MAF: variants seen among roughly 807,000 people sequenced by gnomAD.
MAF encodes the protein MAF bZIP transcription factor.
MAF carries 10 observed loss-of-function variants against 22.0 expected under a neutral mutation model. The ratio of observed to expected loss-of-function variants is 0.45; its 90% CI spans 0.28 to 0.77. The LOEUF (loss-of-function observed/expected upper bound fraction) is 0.77, where lower values mean the gene tolerates loss of function less well. Among genes scored for constraint, MAF ranks in the 30% least tolerant of loss-of-function variants. The pLI, the probability that MAF is intolerant of heterozygous loss-of-function variation, is 0.12. For synonymous variants in MAF, 337 were observed against 255.8 expected, an observed-to-expected ratio of 1.32 and a Z score of -3.03; for missense variants, 544 against 548.4, an observed-to-expected ratio of 0.99 and a Z score of 0.08.
the MAF span, among the ~76,000 whole-genome samples, chr16:79,273,131 A>C: frequency 3.9e-5 from 6 of 152,126 alleles, no homozygotes; most frequent in African/African-American, 1.4e-4. Flanking sequence ...CCTAAGATAC[A>C]TTTAGTCAGA....
chr16:79,246,728 TG>T, the MAF span, among the ~76,000 whole-genome samples: 2 of 152,140 alleles, frequency 1.3e-5, no homozygotes, highest in Non-Finnish European at 2.9e-5. Context: ...TAATCTGTGG[TG>T]GGTGGAATTG....
At chr16:79,427,964 C>A in the MAF span, among the ~76,000 whole-genome samples, 10 of 151,862 alleles carry the variant, frequency 6.6e-5, no homozygotes, top group South Asian at 1.9e-3. Context: ...GGAGGGACAC[C>A]CTTGATTGCT....
the MAF span, among the ~76,000 whole-genome samples, chr16:79,279,186 T>A: frequency 6.6e-6 from 1 of 152,140 alleles, no homozygotes; most frequent in Non-Finnish European, 1.5e-5. Flanking sequence ...AATGGTAGAA[T>A]GCTGCTTCTT....
the MAF span, among the ~76,000 whole-genome samples, chr16:79,541,562 A>G: frequency 7.9e-5 from 12 of 152,074 alleles, no homozygotes; most frequent in Non-Finnish European, 1.6e-4. Flanking sequence ...GACAATACGT[A>G]ATATGGCCAA....
the MAF span, among the ~76,000 whole-genome samples, chr16:79,541,360 T>C: frequency 2.6e-5 from 4 of 152,244 alleles, no homozygotes; most frequent in Non-Finnish European, 4.4e-5. Flanking sequence ...CAGAAAATAT[T>C]TGTACCCGTA....
chr16:79,414,135 A>C, the MAF span, among the ~76,000 whole-genome samples: 1 of 152,166 alleles, frequency 6.6e-6, no homozygotes, highest in African/African-American at 2.4e-5. Flanking sequence ...CTTAACAAAC[A>C]TTGGCTGAGC....
At chr16:79,213,588 G>C in the MAF span, among the ~76,000 whole-genome samples, 1 of 152,168 alleles carries the variant, frequency 6.6e-6, no homozygotes, top group Admixed American at 6.5e-5. Flanking sequence ...TTTCCTTGTT[G>C]ATCTTTGGAA....
the MAF span, among the ~76,000 whole-genome samples, chr16:79,557,294 A>G: frequency 2.6e-5 from 4 of 152,026 alleles, no homozygotes; most frequent in African/African-American, 7.3e-5. Context: ...AGAAAATTAG[A>G]CAATGGTCAA....
At chr16:79,509,679 G>A in the MAF span, among the ~76,000 whole-genome samples, 226 of 152,362 alleles carry the variant, frequency 1.5e-3, 1 homozygote, top group Middle Eastern at 6.8e-3. Context: ...TTCATTCACA[G>A]TGGGGGCCCA....
At chr16:79,526,714 C>T in the MAF span, among the ~76,000 whole-genome samples, 1 of 152,088 alleles carries the variant, frequency 6.6e-6, no homozygotes, top group Non-Finnish European at 1.5e-5. Flanking sequence ...AACCCTGATC[C>T]GTAGCATTTG....
the MAF span, among the ~76,000 whole-genome samples, chr16:79,266,349 G>C: frequency 6.6e-6 from 1 of 152,144 alleles, no homozygotes; most frequent in Non-Finnish European, 1.5e-5. Context: ...GAAAACCATG[G>C]ATAAGGGGGG....
chr16:79,297,503 TTTGGTAG>T, the MAF span, among the ~76,000 whole-genome samples: 1 of 152,144 alleles, frequency 6.6e-6, no homozygotes, highest in African/African-American at 2.4e-5. Context: ...GTTGACCATA[TTTGGTAG>T]TTGTGCTTCT....
chr16:79,373,655 G>A, the MAF span, among the ~76,000 whole-genome samples: 14 of 151,964 alleles, frequency 9.2e-5, no homozygotes, highest in African/African-American at 3.1e-4. Context: ...TGGGATTACA[G>A]GTGTGAGCCA....
the MAF span, among the ~76,000 whole-genome samples, chr16:79,449,090 C>T: frequency 6.6e-6 from 1 of 152,154 alleles, no homozygotes; most frequent in Non-Finnish European, 1.5e-5. Flanking sequence ...GCATTAGATC[C>T]TCATAAGGAG....
chr16:79,588,698 G>A lies in MAF; in HGVS notation c.1119-2757C>T, dbSNP rs1385863127. On this transcript the variant is annotated intron_variant, in intron 1 of 1. Coordinates refer to the MAF transcript ENST00000569649. ...GCTGGTCTCAAACTCCTGACCTCAGGTGATCCGCTCACCTGGGCCTCCCAC... is the reference window on the plus strand; with the variant it reads ...GCTGGTCTCAAACTCCTGACCTCAGATGATCCGCTCACCTGGGCCTCCCAC... 2.6e-5 allele frequency among the ~76,000 whole-genome samples: 4 copies of A among 152,204 alleles called. No individual in the cohort carries two copies. The East Asian group carries it at 5.8e-4, about 22-fold the overall frequency.
the MAF span, among the ~76,000 whole-genome samples, chr16:79,557,726 G>A: frequency 6.6e-6 from 1 of 152,000 alleles, no homozygotes; most frequent in South Asian, 2.1e-4. Context: ...AAGTTCATGT[G>A]CAATTTTTCA....
At chr16:79,215,072 G>A in the MAF span, among the ~76,000 whole-genome samples, 1 of 152,020 alleles carries the variant, frequency 6.6e-6, no homozygotes, top group African/African-American at 2.4e-5. Context: ...CCATTTTACT[G>A]ATGAAAAAGC....
At chr16:79,525,515 C>T in the MAF span, among the ~76,000 whole-genome samples, 1 of 152,194 alleles carries the variant, frequency 6.6e-6, no homozygotes, top group South Asian at 2.1e-4. Context: ...AAATAAAGCA[C>T]ATCTACATTA....
the MAF span, among the ~76,000 whole-genome samples, chr16:79,373,117 T>G: frequency 6.6e-6 from 1 of 152,190 alleles, no homozygotes; most frequent in African/African-American, 2.4e-5. Flanking sequence ...TTATAAACTC[T>G]GTAAGGGGAG....
Sources: gnomAD v4.1 joint callset for allele counts (sites outside exome capture counted in the v4.1 genomes callset) on GRCh38, gnomAD v4.1.1 for gene constraint, MANE v1.5 for transcripts, NCBI Gene and HGNC (gene_info 2026-07-23, HGNC 2026-07-21) for gene names.